Variants in TM9SF2 observed in about 807,000 individuals in gnomAD.
TM9SF2 encodes transmembrane 9 superfamily member 2.
Under a neutral mutation model 84.9 loss-of-function variants are expected in TM9SF2, and 13 were observed. The observed-to-expected ratio is 0.15, with a 90% CI of 0.10 to 0.24. The LOEUF (loss-of-function observed/expected upper bound fraction) is 0.24. Among genes scored for constraint, TM9SF2 ranks in the 10% least tolerant of loss-of-function variants. TM9SF2 has a pLI of 1.00. For missense variants in TM9SF2, 562 were observed against 818.5 expected, an observed-to-expected ratio of 0.69 and a Z score of 3.82; for synonymous variants, 273 against 285.8, an observed-to-expected ratio of 0.96 and a Z score of 0.45.
chr13:99,562,857 C>T lies in TM9SF2; in HGVS notation c.*99C>T. 1.8e-6 allele frequency: 2 copies of T among 1,125,258 alleles called. No homozygotes were observed. Among genetic ancestry groups the T allele is most frequent in the South Asian group, 2.8e-5 (2 of 72,386 alleles). 69.7% of individuals were successfully genotyped at this position (1,125,258 alleles called of 1,614,324 possible). A position where few individuals can be genotyped will look rare whatever the true frequency, so the allele number is the denominator to read the frequency against. Reference sequence around the variant, plus strand: ...CCTTGAGTTTTATCAGAATTATTGGCCTAGTAATCCTTCAGAAACACCGTA... The same window carrying T: ...CCTTGAGTTTTATCAGAATTATTGGTCTAGTAATCCTTCAGAAACACCGTA... On this transcript the variant is annotated 3_prime_UTR_variant, in exon 17 of 17. Coordinates refer to ENST00000376387, the MANE Select transcript of TM9SF2 (RefSeq NM_004800.3).
At position 99,548,485 on chromosome 13, in the gene TM9SF2, A is replaced by C. The variant is rs534331880; in HGVS notation, c.1271-680A>C. 1.5e-3 allele frequency among the ~76,000 whole-genome samples: 223 copies of C among 152,314 alleles called. 1 individual carries two copies. Among genetic ancestry groups the C allele is most frequent in the Non-Finnish European group, 2.4e-3 (160 of 68,034 alleles). On this transcript the variant is annotated intron_variant, in intron 11 of 16. Coordinates refer to ENST00000376387, the MANE Select transcript of TM9SF2 (RefSeq NM_004800.3). ...AAAATCACAGCTGTTCTGAGATCTC[A>C]GCCAGTTTCATTTCTGACTTAAACT...
At chr13:99,553,170 C>T (rs2139109479) in intron 13 of TM9SF2, among the ~76,000 whole-genome samples, 1 of 152,286 alleles carries the variant, frequency 6.6e-6, no homozygotes, top group East Asian at 1.9e-4. Context: ...CATCAGTATC[C>T]TTCTCTAACC....
intron 1 of TM9SF2, among the ~76,000 whole-genome samples, chr13:99,513,357 T>C (rs1169365124): frequency 1.3e-5 from 2 of 152,126 alleles, no homozygotes; most frequent in Non-Finnish European, 2.9e-5. Context: ...TCAAAGGAGA[T>C]AGGAGAGAGT....
chr13:99,540,881 A>T, intron 8 of TM9SF2, 88 bp downstream of exon 8: 1 of 1,204,194 alleles, frequency 8.3e-7, no homozygotes, highest in Non-Finnish European at 1.2e-6. Flanking sequence ...AATCCTCTCT[A>T]CTTTATTCAA....
At chr13:99,542,995 A>G (rs1487195063) in intron 9 of TM9SF2, among the ~76,000 whole-genome samples, 1 of 152,286 alleles carries the variant, frequency 6.6e-6, no homozygotes, top group East Asian at 1.9e-4. Flanking sequence ...AGTGGCTTCT[A>G]AGGCCCCACG....
At chr13:99,532,175 C>T (rs866027454) in intron 4 of TM9SF2, among the ~76,000 whole-genome samples, 1 of 151,790 alleles carries the variant, frequency 6.6e-6, no homozygotes, top group Non-Finnish European at 1.5e-5. Context: ...CCTCAGCCTC[C>T]CGAGTAGCTG....
intron 4 of TM9SF2, among the ~76,000 whole-genome samples, chr13:99,531,540 G>A (rs912632694): frequency 1.3e-5 from 2 of 152,062 alleles, no homozygotes; most frequent in Non-Finnish European, 2.9e-5. Flanking sequence ...TGAGTCCTGT[G>A]CACAGCCATG....
At chr13:99,508,189 A>C (rs996146024) in intron 1 of TM9SF2, among the ~76,000 whole-genome samples, 1 of 152,176 alleles carries the variant, frequency 6.6e-6, no homozygotes, top group African/African-American at 2.4e-5. Flanking sequence ...AAAATGTTTC[A>C]TGTTGTCAAA....
At chr13:99,559,293 G>T (rs1281859413) in intron 15 of TM9SF2, 70 bp from the exon 16 acceptor site, 9 of 1,358,004 alleles carry the variant, frequency 6.6e-6, no homozygotes, top group Non-Finnish European at 8.9e-6. Context: ...TGCTTGCTTT[G>T]AACCTTAGTA....
At chr13:99,540,452 T>C (rs1347961055) in intron 7 of TM9SF2, 1 of 229,830 alleles carries the variant, frequency 4.4e-6, no homozygotes, top group Non-Finnish European at 8.3e-6. Context: ...AAACATCTAG[T>C]TATAATTTAA....
At chr13:99,531,478 TTCC>T (rs1355049796) in intron 4 of TM9SF2, among the ~76,000 whole-genome samples, 1 of 152,102 alleles carries the variant, frequency 6.6e-6, no homozygotes, top group African/African-American at 2.4e-5. Flanking sequence ...CCCCTTAGTT[TTCC>T]TCCTCCTCCA....
chr13:99,532,186 G>T (rs1486415729), intron 4 of TM9SF2, among the ~76,000 whole-genome samples: 1 of 151,782 alleles, frequency 6.6e-6, no homozygotes, highest in African/African-American at 2.4e-5. Flanking sequence ...CGAGTAGCTG[G>T]GACTACAGGC....
intron 12 of TM9SF2, among the ~76,000 whole-genome samples, 176 bp downstream of exon 12, chr13:99,549,398 CAT>C (rs1204672948): frequency 6.6e-6 from 1 of 152,160 alleles, no homozygotes; most frequent in Non-Finnish European, 1.5e-5. Context: ...ATGATTACCA[CAT>C]GTCTTATCTG....
At chr13:99,544,779 T>G (rs1188390103) in intron 10 of TM9SF2, among the ~76,000 whole-genome samples, 2 of 152,160 alleles carry the variant, frequency 1.3e-5, no homozygotes, top group Non-Finnish European at 2.9e-5. Context: ...AGCGAGTGTG[T>G]AGGAAAGACC....
rs776876546 is a variant in TM9SF2 at position 99,541,580 on chromosome 13, T to C, written c.930T>C (p.Ile310=). ...QWFSIMNSLV[I]VLFLSGMVAM... is the part of the protein sequence containing the mutation. ...ACAGCATTATGAATTCCCTGGTCAT[T>C]GTTCTCTTCTTATCTGGAATGGTAG... is the stretch of plus-strand genomic sequence containing the variant. The change falls in exon 9 of 17, where the codon ATT becomes ATC. Residue 310 remains isoleucine (I), a synonymous_variant. Coordinates refer to ENST00000376387, the MANE Select transcript of TM9SF2 (RefSeq NM_004800.3). 6.2e-7 allele frequency: 1 copy of C among 1,612,842 alleles called. No individual in the cohort carries two copies. Among genetic ancestry groups the C allele is most frequent in the East Asian group, 2.2e-5 (1 of 44,724 alleles).
intron 1 of TM9SF2, among the ~76,000 whole-genome samples, chr13:99,514,737 G>T (rs1022313099): frequency 1.3e-5 from 2 of 152,178 alleles, no homozygotes; most frequent in African/African-American, 4.8e-5. Context: ...TTAAAATTCA[G>T]TTCTTCAGCT....
chr13:99,551,299 T>A (rs2139107770), intron 12 of TM9SF2, among the ~76,000 whole-genome samples: 1 of 152,338 alleles, frequency 6.6e-6, no homozygotes, highest in African/African-American at 2.4e-5. Flanking sequence ...CAGGGGCTGC[T>A]GGGATGGAGA....
chr13:99,546,265 C>T (rs2046282160), intron 10 of TM9SF2, among the ~76,000 whole-genome samples: 1 of 152,188 alleles, frequency 6.6e-6, no homozygotes, highest in East Asian at 1.9e-4. Flanking sequence ...ACTCAGTTCT[C>T]AGCAGTATCC....
chr13:99,529,415 GA>G, intron 3 of TM9SF2, 51 bp from the exon 4 acceptor site: 2 of 1,450,586 alleles, frequency 1.4e-6, no homozygotes, highest in Admixed American at 2.7e-5. Context: ...ATATTGGTAT[GA>G]AAAACCTGGA....
Sources: allele counts gnomAD v4.1 joint callset (sites outside exome capture counted in the v4.1 genomes callset), GRCh38; gene constraint gnomAD v4.1.1; transcripts MANE v1.5; gene names NCBI Gene and HGNC (gene_info 2026-07-23, HGNC 2026-07-21).